Variants in ZHX1 observed in about 807,000 individuals in gnomAD.
The protein encoded by ZHX1 is zinc fingers and homeoboxes 1, also known as zinc fingers and homeoboxes protein 1.
ZHX1 carries 20 observed loss-of-function variants against 61.8 expected under a neutral mutation model. The ratio of observed to expected loss-of-function variants is 0.32; its 90% CI spans 0.23 to 0.47. The LOEUF (loss-of-function observed/expected upper bound fraction) is 0.47. Among genes scored for constraint, ZHX1 ranks in the 20% least tolerant of loss-of-function variants. The probability of loss-of-function intolerance (pLI) is 1.00; values close to 1 mark genes in which losing one functional copy is unlikely to be tolerated. For synonymous variants in ZHX1, 318 were observed against 352.6 expected, an observed-to-expected ratio of 0.90 and a Z score of 1.10; for missense variants, 800 against 1,034.8, an observed-to-expected ratio of 0.77 and a Z score of 3.11.
At chr8:123,275,473 C>T (rs1826812188), upstream of ZHX1, 1 of 152,086 alleles carries the variant, frequency 6.6e-6, no homozygotes, top group African/African-American at 2.4e-5. Context: ...CCTAAAAGCA[C>T]AGCAGAGCTC....
At chr8:123,272,284 T>G (rs1826681472) in intron 1 of ZHX1, among the ~76,000 whole-genome samples, 2 of 152,178 alleles carry the variant, frequency 1.3e-5, no homozygotes, top group African/African-American at 4.8e-5. Context: ...CAAAAAAGAT[T>G]CATTGATAAC....
rs1563810184 is a variant in ZHX1, at chr8:123,255,901, T to C, written c.46A>G (p.Ser16Gly). The C allele has an allele frequency of 1.2e-6, 2 of 1,613,660 alleles. No homozygotes were observed. The highest frequency in any genetic ancestry group is 1.7e-6 in the Non-Finnish European group (2 of 1,179,850). The change falls in exon 3 of 4, where the codon AGT becomes GGT. Residue 16 changes from serine to glycine, a missense_variant. By Grantham distance (56) the Ser-to-Gly change is moderately conservative (BLOSUM62 0). Coordinates refer to ENST00000395571, the MANE Select transcript of ZHX1 (RefSeq NM_007222.5). Reference protein sequence around the residue: ...KSTTPCMVLASEQDPDLELIS... With the variant: ...KSTTPCMVLAGEQDPDLELIS... ...AACTCAAGGTCTGGATCTTGTTCACTGGCAAGGACCATGCAAGGTGTTGTT... is the reference window on the plus strand; with the variant it reads ...AACTCAAGGTCTGGATCTTGTTCACCGGCAAGGACCATGCAAGGTGTTGTT...
chr8:123,268,449 A>C (rs1465911422), intron 1 of ZHX1, among the ~76,000 whole-genome samples: 1 of 152,230 alleles, frequency 6.6e-6, no homozygotes, highest in East Asian at 1.9e-4. Context: ...TTTTCTTACT[A>C]GAACAGTCAT....
rs184369919 is a variant in ZHX1, at chr8:123,265,142, T to C, written c.-226+2131A>G. On this transcript the variant is annotated intron_variant, in intron 2 of 3. Coordinates refer to ENST00000395571, the MANE Select transcript of ZHX1 (RefSeq NM_007222.5). ...AGAAGAAGGTTGCAGTAAGCCGAGA[T>C]TGCGCCATTGCACTCCAGCCTGGAT... 1.5e-3 allele frequency among the ~76,000 whole-genome samples: 219 copies of C among 150,766 alleles called. 2 individuals are homozygous for C. Among genetic ancestry groups the C allele is most frequent in the African/African-American group, 5.1e-3 (210 of 41,018 alleles).
intron 2 of ZHX1, among the ~76,000 whole-genome samples, chr8:123,260,271 C>T (rs1463193792): frequency 2.0e-5 from 3 of 152,154 alleles, no homozygotes; most frequent in African/African-American, 4.8e-5. Context: ...CCACTTCCAC[C>T]TTTCAGGGGT....
In ZHX1 at chr8:123,251,140, T is replaced by C. The variant is rs186402486; in HGVS notation, c.*4-820A>G. ...TGATAGTGAGTGAGTTCTCAGGAGA[T>C]CTGGTTGTTTGAAAGTTGTGTGGAA... is the stretch of plus-strand genomic sequence containing the variant. On this transcript the variant is annotated intron_variant, in intron 3 of 3. Transcript: ENST00000395571. Among the ~76,000 whole-genome samples the C allele has an allele frequency of 4.7e-3, 715 of 152,198 alleles. 2 individuals are homozygous for C. Among genetic ancestry groups the C allele is most frequent in the Non-Finnish European group, 5.3e-3 (360 of 67,998 alleles).
At chr8:123,252,502 T>C (rs1314370055) in intron 3 of ZHX1, 1 of 152,238 alleles carries the variant, frequency 6.6e-6, no homozygotes, top group Non-Finnish European at 1.5e-5. Context: ...ACAATGTTAG[T>C]GCTGGTAGCA....
rs1554635291 is a variant in ZHX1 at position 123,249,847 on chromosome 8, T to TG, written c.*476_*477insC. 5 of 145,562 alleles carry TG rather than the reference T, an allele frequency of 3.4e-5. No individual in the cohort carries two copies. Among genetic ancestry groups the TG allele is most frequent in the African/African-American group, 8.5e-5 (3 of 35,396 alleles). The allele number at this position is 145,562 out of a possible 1,614,324, so 9.0% of individuals were successfully genotyped here. On this transcript the variant is annotated 3_prime_UTR_variant, in exon 4 of 4. Coordinates refer to ENST00000395571, the MANE Select transcript of ZHX1 (RefSeq NM_007222.5). ...TAGTAATAAATCAGGGTTTTTTTTT[T>TG]TTTTTTTTTTTTACCCATTTCTAAC...
chr8:123,258,364 T>C (rs544294014), intron 2 of ZHX1, among the ~76,000 whole-genome samples: 245 of 152,330 alleles, frequency 1.6e-3, no homozygotes, highest in Non-Finnish European at 3.0e-3. Context: ...ATGCTTCTTG[T>C]ACAGTCTGCA....
intron 2 of ZHX1, among the ~76,000 whole-genome samples, chr8:123,261,771 C>A (rs1408213682): frequency 6.6e-6 from 1 of 152,084 alleles, no homozygotes; most frequent in Admixed American, 6.6e-5. Flanking sequence ...CTGAAAAATT[C>A]TTTCCAGAAA....
intron 1 of ZHX1, among the ~76,000 whole-genome samples, chr8:123,271,247 C>G (rs941990180): frequency 6.6e-6 from 1 of 152,040 alleles, no homozygotes; most frequent in Non-Finnish European, 1.5e-5. Flanking sequence ...TTTGAAACTA[C>G]GTAGGATTAT....
At chr8:123,267,088 AT>A (rs1405883073) in intron 2 of ZHX1, among the ~76,000 whole-genome samples, 184 bp downstream of exon 2, 1 of 152,204 alleles carries the variant, frequency 6.6e-6, no homozygotes, top group African/African-American at 2.4e-5. Context: ...CTCCTTTTAA[AT>A]TAAAGCAGTC....
At chr8:123,252,613 TCA>T (rs1159825149) in intron 3 of ZHX1, 1 of 152,184 alleles carries the variant, frequency 6.6e-6, no homozygotes, top group African/African-American at 2.4e-5. Flanking sequence ...ATAATTTATA[TCA>T]CAGTTTTCAA....
At position 123,254,038 on chromosome 8, in the gene ZHX1, C is replaced by G. The variant is rs777344022; in HGVS notation, c.1909G>C (p.Ala637Pro). 7 of 1,613,928 alleles carry G rather than the reference C, an allele frequency of 4.3e-6. No homozygotes were observed. The African/African-American group carries it at 9.3e-5, about 22-fold the overall frequency. ...CCAGCTTCTTCTTTGGAACTACCTG[C>G]ATTACTTTCATCTATTTCCATTTTC... The part of the protein sequence containing the change: ...EEKMEIDESN[A>P]GSSKEEAGET... Residue 637 changes from alanine to proline, a missense_variant, in exon 3 of 4, where the codon GCA (alanine) becomes CCA (proline). Ala to Pro is a conservative substitution (Grantham distance 27). Transcript: ENST00000395571. The surrounding 1 kb of genome is among the most constrained non-coding windows in gnomAD (Gnocchi z 4.1).
In ZHX1 at chr8:123,253,512, T is replaced by C. The variant is rs1291805935; in HGVS notation, c.2435A>G (p.Glu812Gly). 1 of 1,614,062 alleles carries C rather than the reference T, an allele frequency of 6.2e-7. No homozygotes were observed. Among genetic ancestry groups the C allele is most frequent in the African/African-American group, 1.3e-5 (1 of 74,928 alleles). ...ELVNKSHMGY[E>G]QVREWFAERQ... ...TTCTGCAAACCACTCTCTGACCTGC[T>C]CATAGCCCATATGTGATTTGTTAAC... Residue 812 changes from glutamate (E) to glycine (G), a missense_variant, in exon 3 of 4, where the codon GAG (glutamate) becomes GGG (glycine). Coordinates refer to ENST00000395571, the MANE Select transcript of ZHX1 (RefSeq NM_007222.5).
rs372656760 is a variant in ZHX1 at position 123,255,721 on chromosome 8, T to C, written c.226A>G (p.Thr76Ala). 4 of 1,613,668 alleles carry C rather than the reference T, an allele frequency of 2.5e-6. No homozygotes were observed. The Admixed American group carries it at 5.0e-5, about 20-fold the overall frequency. The change falls in exon 3 of 4, where the codon ACT becomes GCT. Residue 76 changes from threonine (T) to alanine (A), a missense_variant. Coordinates refer to ENST00000395571, the MANE Select transcript of ZHX1 (RefSeq NM_007222.5). Reference sequence around the variant, plus strand: ...ATATTTAGATCTGGAGTTTGAAAAGTACAATATTTACATTCATATCCACCT... The same window carrying C: ...ATATTTAGATCTGGAGTTTGAAAAGCACAATATTTACATTCATATCCACCT... ...VEGGYECKYC[T>A]FQTPDLNMFT... is the part of the protein sequence containing the mutation.
intron 1 of ZHX1, among the ~76,000 whole-genome samples, chr8:123,269,544 T>A (rs560662023): frequency 6.6e-6 from 1 of 152,258 alleles, no homozygotes; most frequent in South Asian, 2.1e-4. Context: ...TGGTAGTAGA[T>A]GGATTACAAA....
Position 123,254,471 on chromosome 8 carries a change from T to C in ZHX1, c.1476A>G (p.Ser492=). ...TTATTTTCATAAGTCTGATAATTTC[T>C]GAATCATGGGGAAACTGATTTTTAA... The part of the protein sequence containing the change: ...SYLKNQFPHD[S]EIIRLMKITG... Residue 492 remains serine, a synonymous_variant, in exon 3 of 4, where the codon TCA becomes TCG. Transcript: ENST00000395571. The surrounding 1 kb of genome is among the most constrained non-coding windows in gnomAD (Gnocchi z 4.1). 1 of 1,614,112 alleles carries C rather than the reference T, an allele frequency of 6.2e-7. No individual in the cohort carries two copies. Among genetic ancestry groups the C allele is most frequent in the East Asian group, 2.2e-5 (1 of 44,892 alleles).
At position 123,254,796 on chromosome 8, in the gene ZHX1, A is replaced by G; in HGVS notation, c.1151T>C (p.Ile384Thr). Reference sequence around the variant, plus strand: ...ACCAACTATTTGGCATGTCTGTAAAATAGATGGTAAACCATTACTCCCTGT... The same window carrying G: ...ACCAACTATTTGGCATGTCTGTAAAGTAGATGGTAAACCATTACTCCCTGT... The part of the protein sequence containing the change: ...ISTGSNGLPS[I>T]LQTCQIVGQP... Residue 384 changes from isoleucine to threonine, a missense_variant, in exon 3 of 4, where the codon ATT (isoleucine) becomes ACT (threonine). By Grantham distance (89) the Ile-to-Thr change is moderately conservative (BLOSUM62 -1). Coordinates refer to ENST00000395571, the MANE Select transcript of ZHX1 (RefSeq NM_007222.5). This position sits in a 1 kb window ranked among gnomAD's most constrained non-coding sequence, Gnocchi z 4.1. 1.9e-6 allele frequency: 3 copies of G among 1,614,254 alleles called. No homozygotes were observed. The highest frequency in any genetic ancestry group is 2.5e-6 in the Non-Finnish European group (3 of 1,180,042).
Sources: gnomAD v4.1 joint callset for allele counts (sites outside exome capture counted in the v4.1 genomes callset) on GRCh38, gnomAD v4.1.1 for gene constraint, Gnocchi (gnomAD v3.1) non-coding constraint, MANE v1.5 for transcripts, NCBI Gene and HGNC (gene_info 2026-07-23, HGNC 2026-07-21) for gene names.